Variants in PUM2 observed in about 807,000 individuals in gnomAD.
The protein encoded by PUM2 is pumilio homolog 2.
Under a neutral mutation model 124.5 loss-of-function variants are expected in PUM2, and 57 were observed. That is an observed-to-expected ratio of 0.46 (90% CI 0.37 to 0.57). The LOEUF (loss-of-function observed/expected upper bound fraction) is 0.57. Among genes scored for constraint, PUM2 ranks in the 20% least tolerant of loss-of-function variants. The probability of loss-of-function intolerance (pLI) is 0.00; values close to 1 mark genes in which losing one functional copy is unlikely to be tolerated. For missense variants in PUM2, 1,065 were observed against 1,290.6 expected, an observed-to-expected ratio of 0.83 and a Z score of 2.68; for synonymous variants, 460 against 446.1, an observed-to-expected ratio of 1.03 and a Z score of -0.39.
chr2:20,263,276 GA>G lies in PUM2; in HGVS notation c.2141del (p.Phe714SerfsTer14). ...GAAGGTTTGGGAAGCGGTTGTTTCTGAAATCTTCCAATAATCTACTGCGGCC... is the reference window on the plus strand; with the variant it reads ...GAAGGTTTGGGAAGCGGTTGTTTCTGAATCTTCCAATAATCTACTGCGGCC... ...PSGRSRLLEDFRNNRFPNLQL... is the reference protein window; with the variant it reads ...PSGRSRLLEDXRNNRFPNLQL... On this transcript the variant is annotated frameshift_variant, in exon 14 of 21. Transcript: ENST00000361078. LOFTEE classifies it high-confidence loss of function. 1 of 1,613,124 alleles carries G rather than the reference GA, an allele frequency of 6.2e-7. No individual in the cohort carries two copies. Among genetic ancestry groups the G allele is most frequent in the Non-Finnish European group, 8.5e-7 (1 of 1,179,082 alleles).
At chr2:20,298,403 G>T (rs929399730) in intron 7 of PUM2, among the ~76,000 whole-genome samples, 3 of 152,096 alleles carry the variant, frequency 2.0e-5, no homozygotes, top group Non-Finnish European at 4.4e-5. Flanking sequence ...TCACTTCTGA[G>T]TAACATACGT....
rs1572497629 is a variant in PUM2 at position 20,250,227 on chromosome 2, A to C, written c.*1358T>G. On this transcript the variant is annotated 3_prime_UTR_variant, in exon 21 of 21. Transcript: ENST00000361078. ...ATTAACAGTCAACAACTATGTTATA[A>C]AACAAAATGATCTCACAATAATAAA... The C allele has an allele frequency of 6.5e-6, 1 of 152,768 alleles. No individual in the cohort carries two copies. The highest frequency in any genetic ancestry group is 1.9e-4 in the East Asian group (1 of 5,194). 9.5% of individuals were successfully genotyped at this position (152,768 alleles called of 1,614,324 possible).
chr2:20,346,903 G>A (rs1481280484), intron 1 of PUM2, among the ~76,000 whole-genome samples: 6 of 152,178 alleles, frequency 3.9e-5, no homozygotes, highest in Non-Finnish European at 8.8e-5. Context: ...CCAAATAGGT[G>A]ATGACTACCT....
intron 1 of PUM2, among the ~76,000 whole-genome samples, chr2:20,328,197 G>A (rs944884284): frequency 1.6e-4 from 25 of 152,210 alleles, no homozygotes; most frequent in African/African-American, 5.8e-4. Context: ...TTAGCTGGGT[G>A]CGGTGGCACG....
intron 13 of PUM2, among the ~76,000 whole-genome samples, chr2:20,271,468 C>T (rs536640470): frequency 5.7e-4 from 87 of 152,116 alleles, no homozygotes; most frequent in Non-Finnish European, 9.3e-4. Context: ...CACATGTCAC[C>T]GCACCCGGCT....
chr2:20,284,350 A>G (rs1325940753), intron 10 of PUM2, among the ~76,000 whole-genome samples: 2 of 152,176 alleles, frequency 1.3e-5, no homozygotes, highest in Admixed American at 6.5e-5. Flanking sequence ...CAAAACATGC[A>G]TTGGCAACTT....
chr2:20,335,195 G>T (rs1001054290), intron 1 of PUM2, among the ~76,000 whole-genome samples: 2 of 152,196 alleles, frequency 1.3e-5, no homozygotes, highest in African/African-American at 4.8e-5. Context: ...AAAGTGCTAG[G>T]ATTAAAGGTG....
At chr2:20,315,696 CAT>C (rs1399667693) in intron 3 of PUM2, among the ~76,000 whole-genome samples, 2 of 152,084 alleles carry the variant, frequency 1.3e-5, no homozygotes, top group Non-Finnish European at 2.9e-5. Context: ...CATAGTGGCG[CAT>C]ACTTTTAATT....
chr2:20,256,184 G>A lies in PUM2; in HGVS notation c.2485-14C>T, dbSNP rs1664720006. 2 of 1,568,738 alleles carry A rather than the reference G, an allele frequency of 1.3e-6. No homozygotes were observed. Among genetic ancestry groups the A allele is most frequent in the Non-Finnish European group, 1.7e-6 (2 of 1,164,970 alleles). On this transcript the variant is annotated splice_polypyrimidine_tract_variant and intron_variant, in intron 16 of 20. Coordinates refer to ENST00000361078, the MANE Select transcript of PUM2 (RefSeq NM_015317.5). ...TACCATTTCACTCTGCAAAAGACAG[G>A]ATGTCATTTAAATTATTACCTCAAA...
upstream of PUM2, among the ~76,000 whole-genome samples, chr2:20,351,173 C>G (rs1689304948): frequency 6.6e-6 from 1 of 152,218 alleles, no homozygotes. Flanking sequence ...TCTTCTTACC[C>G]TCGGCTTCCT....
intron 9 of PUM2, among the ~76,000 whole-genome samples, chr2:20,292,051 A>G (rs972007532): frequency 8.4e-6 from 1 of 119,036 alleles, no homozygotes; most frequent in African/African-American, 3.2e-5. Flanking sequence ...TCTGGTATGC[A>G]GTCTTCTGGC....
intron 1 of PUM2, among the ~76,000 whole-genome samples, chr2:20,330,005 AG>A (rs770890011): frequency 2.6e-5 from 4 of 152,230 alleles, no homozygotes; most frequent in South Asian, 2.1e-4. Flanking sequence ...AAGATAAATA[AG>A]AAAAAAAAAA....
At chr2:20,278,546 T>C (rs768983950) in intron 13 of PUM2, 37 bp downstream of exon 13, 1 of 1,476,948 alleles carries the variant, frequency 6.8e-7, no homozygotes, top group Non-Finnish European at 9.4e-7. Context: ...CATACATGTA[T>C]ACATACAAAT....
At chr2:20,274,940 A>G (rs1669848202) in intron 13 of PUM2, among the ~76,000 whole-genome samples, 1 of 125,798 alleles carries the variant, frequency 7.9e-6, no homozygotes, top group Non-Finnish European at 1.7e-5. Flanking sequence ...TGTTCTTCAC[A>G]ACAAGTGAAG....
intron 1 of PUM2, among the ~76,000 whole-genome samples, chr2:20,339,932 T>A (rs950124891): frequency 6.6e-6 from 1 of 152,126 alleles, no homozygotes; most frequent in Non-Finnish European, 1.5e-5. Context: ...GGATAAGTAT[T>A]TATAAATGTC....
chr2:20,334,945 T>C (rs904090970), intron 1 of PUM2, among the ~76,000 whole-genome samples: 1 of 152,148 alleles, frequency 6.6e-6, no homozygotes, highest in Admixed American at 6.6e-5. Flanking sequence ...TCATCCTCCT[T>C]GGACTGTTTT....
chr2:20,290,794 C>T lies in PUM2; in HGVS notation c.1153-4G>A, dbSNP rs1254248984. On this transcript the variant is annotated splice_region_variant and splice_polypyrimidine_tract_variant and intron_variant, in intron 9 of 20. Transcript: ENST00000361078. ...GACCTGCTCCAGCACGGAGAACCTA[C>T]AAAGGTAAAATGATTTTCTTAAAAT... The T allele has an allele frequency of 6.4e-7, 1 of 1,561,738 alleles. No individual in the cohort carries two copies. Among genetic ancestry groups the T allele is most frequent in the Admixed American group, 2.1e-5 (1 of 47,438 alleles).
At chr2:20,297,467 G>T in intron 8 of PUM2, 86 bp downstream of exon 8, 1 of 1,229,504 alleles carries the variant, frequency 8.1e-7, no homozygotes, top group Non-Finnish European at 1.1e-6. Flanking sequence ...ATTTCAAATT[G>T]CCCAAATAGA....
In PUM2 at chr2:20,261,448, TA is replaced by T. The variant is rs905090415; in HGVS notation, c.2226-983del. Among the ~76,000 whole-genome samples, 191 of 138,706 alleles carry T rather than the reference TA, an allele frequency of 1.4e-3. 2 individuals carry two copies. Among genetic ancestry groups the T allele is most frequent in the African/African-American group, 5.1e-3 (185 of 36,414 alleles). 91.0% of individuals were successfully genotyped at this position (138,706 alleles called of 152,430 possible). On this transcript the variant is annotated intron_variant, in intron 14 of 20. Transcript: ENST00000361078. ...GTGTAGTACATATAATTGTGTACGG[TA>T]TCTGATAATAAACAACTGAGTTACT...
Sources: allele counts gnomAD v4.1 joint callset (sites outside exome capture counted in the v4.1 genomes callset), GRCh38; gene constraint gnomAD v4.1.1; transcripts MANE v1.5; gene names NCBI Gene and HGNC (gene_info 2026-07-23, HGNC 2026-07-21).